RARB: variants seen among roughly 807,000 people sequenced by gnomAD.
The protein encoded by RARB is HBV-activated protein.
In RARB, 17 loss-of-function variants were observed where a neutral mutation model predicts 51.9. That is an observed-to-expected ratio of 0.33 (90% CI 0.22 to 0.49). The LOEUF (loss-of-function observed/expected upper bound fraction) is 0.49. Ranked by LOEUF, RARB falls within the 20% of genes least tolerant of loss-of-function variation. RARB has a pLI of 0.99. For synonymous variants in RARB, 215 were observed against 195.4 expected (o/e 1.10, Z -0.84); for missense variants, 369 against 550.8 (o/e 0.67, Z 3.30).
chr3:25,138,312 T>TAA (rs1700061861), intron 4 of RARB, among the ~76,000 whole-genome samples: 1 of 151,972 alleles, frequency 6.6e-6, no homozygotes, highest in African/African-American at 2.4e-5. Context: ...GATACAACCT[T>TAA]TTGAAAGCAG....
intron 3 of RARB, among the ~76,000 whole-genome samples, chr3:25,081,395 G>T (rs1698990900): frequency 6.6e-6 from 1 of 150,812 alleles, no homozygotes; most frequent in South Asian, 2.1e-4. Flanking sequence ...TTTTGTGGTT[G>T]TGGAATATAG....
chr3:25,014,157 T>C (rs539264481), intron 2 of RARB, among the ~76,000 whole-genome samples: 13 of 152,266 alleles, frequency 8.5e-5, no homozygotes, highest in African/African-American at 3.1e-4. Context: ...ATATGTTTTT[T>C]CCCCAAACAT....
intron 2 of RARB, among the ~76,000 whole-genome samples, chr3:24,883,818 T>C (rs1467960886): frequency 6.6e-6 from 1 of 152,122 alleles, no homozygotes; most frequent in Non-Finnish European, 1.5e-5. Context: ...GAAATAGTAA[T>C]CAGAGGGAAA....
chr3:24,939,641 T>C (rs765261413), intron 2 of RARB, among the ~76,000 whole-genome samples: 1 of 152,218 alleles, frequency 6.6e-6, no homozygotes, highest in Non-Finnish European at 1.5e-5. Flanking sequence ...ATACAGCACA[T>C]TTTGGTTTCA....
chr3:25,253,725 C>G (rs1702788088), intron 5 of RARB, among the ~76,000 whole-genome samples: 1 of 152,114 alleles, frequency 6.6e-6, no homozygotes, highest in African/African-American at 2.4e-5. Flanking sequence ...GATGATTTAT[C>G]TATTCATTTG....
intron 2 of RARB, among the ~76,000 whole-genome samples, chr3:24,976,743 G>A (rs1696521801): frequency 6.6e-6 from 1 of 152,132 alleles, no homozygotes; most frequent in African/African-American, 2.4e-5. Context: ...TTATTTTGCT[G>A]TGCAGAAGCT....
At chr3:25,408,729 G>A (rs944259394) in intron 5 of RARB, among the ~76,000 whole-genome samples, 11 of 152,038 alleles carry the variant, frequency 7.2e-5, no homozygotes, top group Non-Finnish European at 2.9e-5. Flanking sequence ...TGCCACCATG[G>A]CACTTAAAAA....
intron 4 of RARB, among the ~76,000 whole-genome samples, chr3:25,574,211 C>T (rs1700828594): frequency 6.6e-6 from 1 of 152,138 alleles, no homozygotes; most frequent in Non-Finnish European, 1.5e-5. Context: ...GCTTTAGGGC[C>T]TCATAAATTC....
chr3:25,034,411 A>G (rs1425261469), intron 2 of RARB, among the ~76,000 whole-genome samples: 80 of 152,350 alleles, frequency 5.3e-4, no homozygotes, highest in Non-Finnish European at 4.4e-5. Context: ...CATTTAGCTT[A>G]AAAATGCAAT....
At chr3:25,384,214 A>G (rs1024055691) in intron 5 of RARB, among the ~76,000 whole-genome samples, 8 of 152,164 alleles carry the variant, frequency 5.3e-5, no homozygotes, top group Non-Finnish European at 1.2e-4. Context: ...CCATTACTAC[A>G]TGGCAGTTGT....
chr3:25,502,836 A>C (rs1697385777), intron 3 of RARB, among the ~76,000 whole-genome samples: 1 of 152,214 alleles, frequency 6.6e-6, no homozygotes, highest in Non-Finnish European at 1.5e-5. Flanking sequence ...CTGTAGATGG[A>C]AAAGTGGAAA....
At chr3:25,491,597 A>C (rs116964335) in intron 2 of RARB, among the ~76,000 whole-genome samples, 1 of 152,202 alleles carries the variant, frequency 6.6e-6, no homozygotes, top group Admixed American at 6.5e-5. Context: ...CTGACTACAT[A>C]ATTTGCAGGA....
chr3:24,857,515 CACGT>C (rs1372531775), intron 1 of RARB, among the ~76,000 whole-genome samples: 1 of 152,148 alleles, frequency 6.6e-6, no homozygotes, highest in Admixed American at 6.5e-5. Flanking sequence ...ATGGTAGATA[CACGT>C]ATACTAAAGA....
At chr3:24,848,383 A>G (rs182401769) in intron 1 of RARB, among the ~76,000 whole-genome samples, 1 of 152,084 alleles carries the variant, frequency 6.6e-6, no homozygotes, top group Admixed American at 6.5e-5. Context: ...AAACACATCA[A>G]ATCCAAATAC....
intron 2 of RARB, among the ~76,000 whole-genome samples, chr3:24,928,525 T>G (rs1695366891): frequency 6.6e-6 from 1 of 152,090 alleles, no homozygotes; most frequent in Admixed American, 6.6e-5. Context: ...AATGATTGAT[T>G]ATTCCTTTTT....
chr3:24,923,957 A>G (rs1695267796), intron 2 of RARB, among the ~76,000 whole-genome samples: 1 of 152,202 alleles, frequency 6.6e-6, no homozygotes, highest in African/African-American at 2.4e-5. Context: ...AGAAATTAAC[A>G]GGTGAAATAA....
At chr3:25,163,926 G>A (rs1216979336) in intron 4 of RARB, among the ~76,000 whole-genome samples, 2 of 152,198 alleles carry the variant, frequency 1.3e-5, no homozygotes, top group African/African-American at 4.8e-5. Context: ...CATAGGTCTT[G>A]TTCTCAAAGG....
intron 5 of RARB, among the ~76,000 whole-genome samples, chr3:25,311,754 T>C (rs1343501716): frequency 1.3e-5 from 2 of 152,224 alleles, no homozygotes; most frequent in African/African-American, 4.8e-5. Flanking sequence ...TTATTTTGCC[T>C]TTCAATAAGA....
intron 5 of RARB, among the ~76,000 whole-genome samples, chr3:25,256,759 G>C (rs950366846): frequency 7.2e-5 from 11 of 152,016 alleles, no homozygotes; most frequent in African/African-American, 2.4e-4. Context: ...GCTACATATA[G>C]AGTTCTTTGG....
Sources: allele counts gnomAD v4.1 joint callset (sites outside exome capture counted in the v4.1 genomes callset), GRCh38; gene constraint gnomAD v4.1.1; transcripts MANE v1.5; gene names NCBI Gene and HGNC (gene_info 2026-07-23, HGNC 2026-07-21).